CHD6: variants seen among roughly 807,000 people sequenced by gnomAD.
CHD6 encodes ATP-dependent chromatin remodeler CHD6.
CHD6 carries 50 observed loss-of-function variants against 276.9 expected under a neutral mutation model. The observed-to-expected ratio is 0.18, with a 90% CI of 0.14 to 0.23. The LOEUF (loss-of-function observed/expected upper bound fraction) is 0.23. Among genes scored for constraint, CHD6 ranks in the 10% least tolerant of loss-of-function variants. The pLI is 1.00. For missense variants in CHD6, 2,564 were observed against 3,365.8 expected, an observed-to-expected ratio of 0.76 and a Z score of 5.89; for synonymous variants, 1,173 against 1,229.3, an observed-to-expected ratio of 0.95 and a Z score of 0.96.
chr20:41,457,232 T>C (rs1393360216), intron 18 of CHD6, 32 bp downstream of exon 18: 2 of 1,599,018 alleles, frequency 1.3e-6, no homozygotes, highest in African/African-American at 2.7e-5. Context: ...CCAATGTTCC[T>C]TAAGACTCCA....
intron 17 of CHD6, among the ~76,000 whole-genome samples, chr20:41,464,470 T>C (rs918412839): frequency 6.6e-6 from 1 of 152,216 alleles, no homozygotes; most frequent in Non-Finnish European, 1.5e-5. Context: ...TAGGATGGAA[T>C]AAATGAATAA....
rs935291461 is a variant in CHD6 at position 41,404,193 on chromosome 20, A to T, written c.*400T>A. The T allele has an allele frequency of 1.9e-6, 2 of 1,066,662 alleles. No individual in the cohort carries two copies. The highest frequency in any genetic ancestry group is 3.3e-5 in the African/African-American group (2 of 61,122). The allele number at this position is 1,066,662 out of a possible 1,614,324, so 66.1% of individuals were successfully genotyped here. ...ATTCTTCCTGTGCAACCCAGCTCACAGAAAAAGAGCTCCTCTTTGTCTCTG... is the reference window on the plus strand; with the variant it reads ...ATTCTTCCTGTGCAACCCAGCTCACTGAAAAAGAGCTCCTCTTTGTCTCTG... On this transcript the variant is annotated 3_prime_UTR_variant, in exon 37 of 37. Coordinates refer to ENST00000373233, the MANE Select transcript of CHD6 (RefSeq NM_032221.5).
At chr20:41,487,937 T>A (rs1484108076) in intron 13 of CHD6, 129 bp from the exon 14 acceptor site, 1 of 870,090 alleles carries the variant, frequency 1.1e-6, no homozygotes, top group Admixed American at 3.0e-5. Flanking sequence ...AATGAAAAGA[T>A]AATATGCCAT....
At chr20:41,510,365 T>C (rs1441588825) in intron 5 of CHD6, among the ~76,000 whole-genome samples, 1 of 152,158 alleles carries the variant, frequency 6.6e-6, no homozygotes, top group African/African-American at 2.4e-5. Context: ...GCACCAATTT[T>C]GAAAATCACT....
chr20:41,420,480 A>G, intron 31 of CHD6, 28 bp downstream of exon 31: 1 of 1,570,736 alleles, frequency 6.4e-7, no homozygotes, highest in South Asian at 1.2e-5. Context: ...AGTTTATCCA[A>G]AATGCCACAA....
chr20:41,449,492 G>A (rs983053283), intron 23 of CHD6, among the ~76,000 whole-genome samples: 1 of 152,134 alleles, frequency 6.6e-6, no homozygotes, highest in African/African-American at 2.4e-5. Context: ...AAAGCCAATA[G>A]TATTCAATTC....
intron 1 of CHD6, among the ~76,000 whole-genome samples, chr20:41,598,784 C>T (rs1443568033): frequency 6.6e-6 from 1 of 152,192 alleles, no homozygotes; most frequent in African/African-American, 2.4e-5. Context: ...ACCAATCAGT[C>T]TGCCCTTGTT....
Position 41,412,245 on chromosome 20 carries a change from T to C in CHD6, c.7150A>G (p.Lys2384Glu). The C allele has an allele frequency of 6.2e-7, 1 of 1,614,144 alleles. No homozygotes were observed. The highest frequency in any genetic ancestry group is 8.5e-7 in the Non-Finnish European group (1 of 1,180,000). Residue 2384 changes from lysine (K) to glutamate (E), a missense_variant, in exon 36 of 37, where the codon AAG becomes GAG. By Grantham distance (56) the Lys-to-Glu change is moderately conservative. Coordinates refer to ENST00000373233, the MANE Select transcript of CHD6 (RefSeq NM_032221.5). Reference protein sequence around the residue: ...GFGANFSDKPKQRRPRCKEPG... With the variant: ...GFGANFSDKPEQRRPRCKEPG... The stretch of plus-strand genomic sequence containing the variant: ...TCTTTACAGCGTGGCCTCCTCTGCT[T>C]TGGTTTGTCTGAAAAATTCTAGGAT...
intron 2 of CHD6, among the ~76,000 whole-genome samples, chr20:41,549,837 T>C (rs1000325301): frequency 2.0e-5 from 3 of 152,162 alleles, no homozygotes; most frequent in South Asian, 2.1e-4. Context: ...ATCTTGCTCT[T>C]GTCCAGGCTG....
At chr20:41,422,260 C>T (rs1391119235) in intron 30 of CHD6, among the ~76,000 whole-genome samples, 181 bp from the exon 31 acceptor site, 3 of 152,094 alleles carry the variant, frequency 2.0e-5, no homozygotes, top group Non-Finnish European at 4.4e-5. Context: ...TTTTATGAAA[C>T]AAGGACAGAC....
intron 1 of CHD6, among the ~76,000 whole-genome samples, chr20:41,610,110 C>T (rs1440386142): frequency 6.6e-6 from 1 of 152,116 alleles, no homozygotes; most frequent in African/African-American, 2.4e-5. Flanking sequence ...GCCCACCTCA[C>T]CTCCCAAAGT....
At position 41,493,658 on chromosome 20, in the gene CHD6, G is replaced by A. The variant is rs2043610200; in HGVS notation, c.1194C>T (p.Tyr398=). 1 of 1,613,800 alleles carries A rather than the reference G, an allele frequency of 6.2e-7. No homozygotes were observed. The highest frequency in any genetic ancestry group is 8.5e-7 in the Non-Finnish European group (1 of 1,179,838). Residue 398 remains tyrosine (Y), a synonymous_variant, in exon 10 of 37, where the codon TAC becomes TAT. Transcript: ENST00000373233. The stretch of plus-strand genomic sequence containing the variant: ...ATGGTAGTGAGCACCACTTCACCAG[G>A]TAATGTGTTACCTCCTGGTGGGAAA... ...DAETGEEVTH[Y]LVKWCSLPYE...
intron 27 of CHD6, among the ~76,000 whole-genome samples, chr20:41,427,179 T>G (rs777324015): frequency 1.3e-5 from 2 of 151,340 alleles, no homozygotes; most frequent in Non-Finnish European, 2.9e-5. Context: ...TACTTGCTAC[T>G]TCCTGGAATA....
At chr20:41,581,480 T>A (rs1486281232) in intron 1 of CHD6, among the ~76,000 whole-genome samples, 1 of 151,980 alleles carries the variant, frequency 6.6e-6, no homozygotes, top group Non-Finnish European at 1.5e-5. Flanking sequence ...ATCGAGACCA[T>A]CCTGGCCAAC....
intron 31 of CHD6, among the ~76,000 whole-genome samples, 161 bp from the exon 32 acceptor site, chr20:41,417,510 G>C (rs1419334016): frequency 6.6e-6 from 1 of 152,156 alleles, no homozygotes; most frequent in Non-Finnish European, 1.5e-5. Context: ...ATTTCCAGGA[G>C]AACCGTATCA....
intron 1 of CHD6, among the ~76,000 whole-genome samples, chr20:41,597,072 CAG>C (rs2045725415): frequency 6.6e-6 from 1 of 152,090 alleles, no homozygotes; most frequent in Admixed American, 6.5e-5. Context: ...AACTTAAAAA[CAG>C]GGAGAGAAAG....
At chr20:41,532,955 A>T in intron 3 of CHD6, 95 bp downstream of exon 3, 1 of 1,377,860 alleles carries the variant, frequency 7.3e-7, no homozygotes, top group Non-Finnish European at 9.7e-7. Flanking sequence ...ACAGGAGTGC[A>T]GCAGGGTTAT....
chr20:41,533,707 A>G, intron 2 of CHD6, 137 bp from the exon 3 acceptor site: 1 of 782,268 alleles, frequency 1.3e-6, no homozygotes. Context: ...CTATTGTGCT[A>G]GGCCTTGGAG....
At position 41,533,076 on chromosome 20, in the gene CHD6, T is replaced by C; in HGVS notation, c.528A>G (p.Ala176=). The C allele has an allele frequency of 1.7e-5, 27 of 1,602,980 alleles. No individual in the cohort carries two copies. The highest frequency in any genetic ancestry group is 2.3e-5 in the Non-Finnish European group (27 of 1,176,798). ...TGGCCTTCCTGGACTTCGTCCTGGCTGCAGAGTCAGTGCAGCTCCTCTTCT... is the reference window on the plus strand; with the variant it reads ...TGGCCTTCCTGGACTTCGTCCTGGCCGCAGAGTCAGTGCAGCTCCTCTTCT... ...AKEKRSCTDS[A]ARTKSRKASK... The change falls in exon 3 of 37, where the codon GCA becomes GCG. Residue 176 remains alanine (A), a synonymous_variant. Coordinates refer to ENST00000373233, the MANE Select transcript of CHD6 (RefSeq NM_032221.5).
Sources: allele counts gnomAD v4.1 joint callset (sites outside exome capture counted in the v4.1 genomes callset), GRCh38; gene constraint gnomAD v4.1.1; transcripts MANE v1.5; gene names NCBI Gene and HGNC (gene_info 2026-07-23, HGNC 2026-07-21).